The following ART3 variants were observed in gnomAD, a reference collection of about 807,000 sequenced individuals.
ART3 encodes the protein ecto-ADP-ribosyltransferase 3.
Under a neutral mutation model 48.5 loss-of-function variants are expected in ART3, and 49 were observed. That is an observed-to-expected ratio of 1.01 (90% CI 0.80 to 1.28). The LOEUF is 1.28. Among genes scored for constraint, ART3 ranks in the 50% most tolerant of loss-of-function variants. ART3 has a pLI of 0.00. For missense variants in ART3, 438 were observed against 454.3 expected, an observed-to-expected ratio of 0.96 and a Z score of 0.33; for synonymous variants, 145 against 157.2, an observed-to-expected ratio of 0.92 and a Z score of 0.58.
intron 1 of ART3, among the ~76,000 whole-genome samples, chr4:76,051,218 TCA>T (rs1399492105): frequency 6.6e-6 from 1 of 152,216 alleles, no homozygotes; most frequent in Non-Finnish European, 1.5e-5. Context: ...CTGTCACCTC[TCA>T]AAAGTACAGT....
At chr4:76,069,818 T>C (rs1459950560), upstream of ART3, among the ~76,000 whole-genome samples, 2 of 150,652 alleles carry the variant, frequency 1.3e-5, no homozygotes, top group East Asian at 1.9e-4. Flanking sequence ...TTTATAGATA[T>C]ATTTATATTT....
chr4:76,056,632 G>T (rs544277110), intron 1 of ART3, among the ~76,000 whole-genome samples: 1 of 152,122 alleles, frequency 6.6e-6, no homozygotes, highest in Non-Finnish European at 1.5e-5. Flanking sequence ...CAGGAAAGGT[G>T]CAAAGTTCCT....
intron 3 of ART3, among the ~76,000 whole-genome samples, chr4:76,091,957 A>G (rs1324797830): frequency 6.6e-6 from 1 of 152,204 alleles, no homozygotes; most frequent in African/African-American, 2.4e-5. Context: ...TGCTGGGATT[A>G]TAGGTGTGAG....
intron 1 of ART3, among the ~76,000 whole-genome samples, chr4:76,014,576 T>C (rs1295381240): frequency 1.3e-5 from 2 of 152,130 alleles, no homozygotes; most frequent in Non-Finnish European, 2.9e-5. Context: ...AGTGGACCAA[T>C]ATATGCTTAA....
intron 3 of ART3, among the ~76,000 whole-genome samples, chr4:76,093,103 T>G (rs180907429): frequency 6.6e-6 from 1 of 152,172 alleles, no homozygotes; most frequent in African/African-American, 2.4e-5. Context: ...GTTTGTGGCC[T>G]CCTTCATCCA....
At chr4:76,019,498 G>T (rs1159330872) in intron 1 of ART3, among the ~76,000 whole-genome samples, 1 of 140,082 alleles carries the variant, frequency 7.1e-6, no homozygotes, top group Non-Finnish European at 1.5e-5. Context: ...TCTTGGCTGG[G>T]CACCCTGTAA....
chr4:76,112,384 A>G lies in ART3; in HGVS notation c.1037-2A>G. Reference sequence around the variant, plus strand: ...TCAGTGACTGTGTATTCTTGTTAACAGCTCCAGGTCCAGTTCCTGTTCCAG... The same window carrying G: ...TCAGTGACTGTGTATTCTTGTTAACGGCTCCAGGTCCAGTTCCTGTTCCAG... On this transcript the variant is annotated splice_acceptor_variant, in intron 11 of 11. Transcript: ENST00000355810. LOFTEE classifies it high-confidence loss of function. The G allele has an allele frequency of 6.2e-7, 1 of 1,612,532 alleles. No homozygotes were observed. The highest frequency in any genetic ancestry group is 8.5e-7 in the Non-Finnish European group (1 of 1,179,472).
intron 1 of ART3, among the ~76,000 whole-genome samples, chr4:76,014,383 G>A (rs561070155): frequency 6.6e-6 from 1 of 152,118 alleles, no homozygotes; most frequent in African/African-American, 2.4e-5. Flanking sequence ...ATGATGGAGC[G>A]GAAAAGTGCA....
intron 1 of ART3, among the ~76,000 whole-genome samples, chr4:76,059,943 C>T (rs1719047028): frequency 6.6e-6 from 1 of 152,136 alleles, no homozygotes; most frequent in Non-Finnish European, 1.5e-5. Flanking sequence ...TGGAAGAAAT[C>T]TGTTTGTGAG....
upstream of ART3, among the ~76,000 whole-genome samples, chr4:76,073,801 T>A (rs1269772124): frequency 6.6e-6 from 1 of 152,230 alleles, no homozygotes. Context: ...AATCATACAG[T>A]ATAAACATGC....
At chr4:76,016,125 G>A (rs6532086) in intron 1 of ART3, among the ~76,000 whole-genome samples, 92,720 of 152,042 alleles carry the variant, frequency 0.61, 29,469 homozygotes, top group East Asian at 0.94. Context: ...CACTGGATAT[G>A]CTATTCTAGG....
chr4:76,080,274 C>A (rs1343946047), intron 2 of ART3, among the ~76,000 whole-genome samples: 1 of 152,192 alleles, frequency 6.6e-6, no homozygotes, highest in South Asian at 2.1e-4. Context: ...CGATACAGAC[C>A]GTACCCTTAA....
At chr4:76,080,566 T>C (rs7661431) in intron 2 of ART3, among the ~76,000 whole-genome samples, 16,836 of 152,164 alleles carry the variant, frequency 0.11, 1,249 homozygotes, top group East Asian at 0.34. Flanking sequence ...GCTGGAGTGC[T>C]GTGGTGCAGT....
intron 1 of ART3, among the ~76,000 whole-genome samples, chr4:76,033,516 A>G (rs777840402): frequency 6.6e-5 from 10 of 152,266 alleles, no homozygotes; most frequent in Admixed American, 1.3e-4. Flanking sequence ...GGGGGTTTGG[A>G]CTATCAAGAC....
At chr4:76,086,886 G>A (rs1183423566) in intron 3 of ART3, among the ~76,000 whole-genome samples, 1 of 152,122 alleles carries the variant, frequency 6.6e-6, no homozygotes, top group Non-Finnish European at 1.5e-5. Flanking sequence ...GCCTGAAATT[G>A]GCCATAGTTT....
At chr4:76,076,734 C>T (rs1331903137) in intron 2 of ART3, among the ~76,000 whole-genome samples, 1 of 152,018 alleles carries the variant, frequency 6.6e-6, no homozygotes, top group Non-Finnish European at 1.5e-5. Context: ...TAATTAATGA[C>T]CATTTTCCCA....
chr4:76,018,022 G>A (rs758911052), intron 1 of ART3, among the ~76,000 whole-genome samples: 38 of 152,354 alleles, frequency 2.5e-4, no homozygotes, highest in Admixed American at 9.8e-4. Flanking sequence ...TTCAGCCACT[G>A]TGAGAAGCAG....
At chr4:76,090,194 T>C (rs1263249907) in intron 3 of ART3, among the ~76,000 whole-genome samples, 1 of 152,188 alleles carries the variant, frequency 6.6e-6, no homozygotes, top group Non-Finnish European at 1.5e-5. Flanking sequence ...GAAAGTGGAT[T>C]AGGTTTTAGT....
At chr4:76,017,247 C>T (rs1732350190) in intron 1 of ART3, among the ~76,000 whole-genome samples, 3 of 151,934 alleles carry the variant, frequency 2.0e-5, no homozygotes, top group Admixed American at 2.0e-4. Context: ...TGGGTATTGG[C>T]TGCTGGTTAT....
Sources: allele counts gnomAD v4.1 joint callset (sites outside exome capture counted in the v4.1 genomes callset), GRCh38; gene constraint gnomAD v4.1.1; transcripts MANE v1.5; gene names NCBI Gene and HGNC (gene_info 2026-07-23, HGNC 2026-07-21).